OR2T3: variants seen among roughly 807,000 people sequenced by gnomAD.
OR2T3 encodes olfactory receptor 2T3.
For missense variants in OR2T3, 159 were observed against 396.3 expected (o/e 0.40, Z 5.08); for synonymous variants, 66 against 157.4 (o/e 0.42, Z 4.35).
chr1:248,473,872 C>T lies in OR2T3; in HGVS notation c.522C>T (p.Cys174=), dbSNP rs1663449193. 1.9e-6 allele frequency: 3 copies of T among 1,601,998 alleles called. No individual in the cohort carries two copies. The highest frequency in any genetic ancestry group is 2.6e-6 in the Non-Finnish European group (3 of 1,173,198). The change falls in exon 1 of 1, where the codon TGC becomes TGT. Residue 174 remains cysteine, a synonymous_variant. Transcript: ENST00000359594. ...LTPITMSFPF[C]QSRKILSFFC... is the part of the protein sequence containing the mutation. ...CCATTACCATGAGCTTCCCCTTTTG[C>T]CAGTCTAGGAAAATCCTGAGTTTTT...
Position 248,474,137 on chromosome 1 carries a change from A to C in OR2T3, c.787A>C (p.Thr263Pro). Residue 263 changes from threonine to proline, a missense_variant, in exon 1 of 1, where the codon ACC becomes CCC. By Grantham distance (38) the Thr-to-Pro change is conservative. Coordinates refer to ENST00000359594, the MANE Select transcript of OR2T3 (RefSeq NM_001005495.1). ...VLLLFGASFY[T>P]YMLPSSYHTA... ...GCTGCTCTTCGGTGCTTCCTTCTACACCTACATGCTCCCGAGTTCCTACCA... is the reference window on the plus strand; with the variant it reads ...GCTGCTCTTCGGTGCTTCCTTCTACCCCTACATGCTCCCGAGTTCCTACCA... The C allele has an allele frequency of 6.2e-7, 1 of 1,614,036 alleles. No individual in the cohort carries two copies. Among genetic ancestry groups the C allele is most frequent in the Non-Finnish European group, 8.5e-7 (1 of 1,179,884 alleles).
rs376486470 is a variant in OR2T3 at position 248,474,009 on chromosome 1, C to T, written c.659C>T (p.Ser220Phe). ...CTTCTCGCCCCCATCATGGTCATCTCCAGCTCATACACCCTCATCCTGCAT... is the reference window on the plus strand; with the variant it reads ...CTTCTCGCCCCCATCATGGTCATCTTCAGCTCATACACCCTCATCCTGCAT... ...LMLLAPIMVI[S>F]SSYTLILHLI... The change falls in exon 1 of 1, where the codon TCC becomes TTC. Residue 220 changes from serine (S) to phenylalanine (F), a missense_variant. Transcript: ENST00000359594. 3.1e-5 allele frequency: 48 copies of T among 1,573,698 alleles called. 4 individuals are homozygous for T. The highest frequency in any genetic ancestry group is 3.4e-4 in the Middle Eastern group (2 of 5,964).
Position 248,474,054 on chromosome 1 carries a change from C to A in OR2T3, c.704C>A (p.Ser235Tyr), listed in dbSNP as rs763638374. ...LILHLIHRMN[S>Y]AAGHRKALAT... ...CTGCATCTCATCCACAGGATGAATT[C>A]TGCCGCCGGCCACAGGAAGGCCTTG... Residue 235 changes from serine to tyrosine, a missense_variant, in exon 1 of 1, where the codon TCT (serine) becomes TAT (tyrosine). Physicochemically the swap from Ser to Tyr is moderately radical, Grantham distance 144 (BLOSUM62 -2). Coordinates refer to ENST00000359594, the MANE Select transcript of OR2T3 (RefSeq NM_001005495.1). 6 of 1,602,984 alleles carry A rather than the reference C, an allele frequency of 3.7e-6. No individual in the cohort carries two copies. The highest frequency in any genetic ancestry group is 5.1e-6 in the Non-Finnish European group (6 of 1,172,476).
In OR2T3 at chr1:248,473,991, C is replaced by T. The variant is rs779371418; in HGVS notation, c.641C>T (p.Ala214Val). Residue 214 changes from alanine to valine, a missense_variant, in exon 1 of 1, where the codon GCC becomes GTC. Physicochemically the swap from Ala to Val is moderately conservative, Grantham distance 64 (BLOSUM62 0). Transcript: ENST00000359594. ...MYLCCILMLL[A>V]PIMVISSSYT... ...CTGTGCTGCATCCTCATGCTTCTCGCCCCCATCATGGTCATCTCCAGCTCA... is the reference window on the plus strand; with the variant it reads ...CTGTGCTGCATCCTCATGCTTCTCGTCCCCATCATGGTCATCTCCAGCTCA... The T allele has an allele frequency of 9.9e-6, 15 of 1,522,596 alleles. 3 individuals are homozygous for T. The highest frequency in any genetic ancestry group is 1.3e-5 in the Non-Finnish European group (15 of 1,123,146). 94.3% of individuals were successfully genotyped at this position (1,522,596 alleles called of 1,614,324 possible). A position where few individuals can be genotyped will look rare whatever the true frequency, so the allele number is the denominator to read the frequency against.
rs777561818 is a variant in OR2T3 at position 248,473,969 on chromosome 1, T to C, written c.619T>C (p.Cys207Arg). 10 of 1,504,638 alleles carry C rather than the reference T, an allele frequency of 6.6e-6. 1 individual carries two copies. The highest frequency in any genetic ancestry group is 9.0e-6 in the Non-Finnish European group (10 of 1,116,082). 93.2% of individuals were successfully genotyped at this position (1,504,638 alleles called of 1,614,324 possible). ...CCTCTATAAGACGCTCATGTACCTG[T>C]GCTGCATCCTCATGCTTCTCGCCCC... Reference protein sequence around the residue: ...VSLYKTLMYLCCILMLLAPIM... With the variant: ...VSLYKTLMYLRCILMLLAPIM... Residue 207 changes from cysteine to arginine, a missense_variant, in exon 1 of 1, where the codon TGC becomes CGC. Coordinates refer to ENST00000359594, the MANE Select transcript of OR2T3 (RefSeq NM_001005495.1).
At position 248,474,056 on chromosome 1, in the gene OR2T3, G is replaced by T; in HGVS notation, c.706G>T (p.Ala236Ser). Residue 236 changes from alanine to serine, a missense_variant, in exon 1 of 1, where the codon GCC (alanine) becomes TCC (serine). Physicochemically the swap from Ala to Ser is moderately conservative, Grantham distance 99 (BLOSUM62 1). Transcript: ENST00000359594. The part of the protein sequence containing the change: ...ILHLIHRMNS[A>S]AGHRKALATC... ...GCATCTCATCCACAGGATGAATTCTGCCGCCGGCCACAGGAAGGCCTTGGC... is the reference window on the plus strand; with the variant it reads ...GCATCTCATCCACAGGATGAATTCTTCCGCCGGCCACAGGAAGGCCTTGGC... 1 of 1,603,042 alleles carries T rather than the reference G, an allele frequency of 6.2e-7. No individual in the cohort carries two copies. The highest frequency in any genetic ancestry group is 8.5e-7 in the Non-Finnish European group (1 of 1,172,528).
chr1:248,473,961 T>A lies in OR2T3; in HGVS notation c.611T>A (p.Met204Lys), dbSNP rs1770110. 1 of 1,464,516 alleles carries A rather than the reference T, an allele frequency of 6.8e-7. No individual in the cohort carries two copies. The highest frequency in any genetic ancestry group is 9.1e-7 in the Non-Finnish European group (1 of 1,096,546). The allele number at this position is 1,464,516 out of a possible 1,614,324, so 90.7% of individuals were successfully genotyped here. A position where few individuals can be genotyped will look rare whatever the true frequency, so the allele number is the denominator to read the frequency against. Residue 204 changes from methionine to lysine, a missense_variant, in exon 1 of 1, where the codon ATG (methionine) becomes AAG (lysine). Met to Lys is a moderately conservative substitution (Grantham distance 95, BLOSUM62 -1). Transcript: ENST00000359594. Reference protein sequence around the residue: ...CSDVSLYKTLMYLCCILMLLA... With the variant: ...CSDVSLYKTLKYLCCILMLLA... ...GACGTCTCCCTCTATAAGACGCTCATGTACCTGTGCTGCATCCTCATGCTT... is the reference window on the plus strand; with the variant it reads ...GACGTCTCCCTCTATAAGACGCTCAAGTACCTGTGCTGCATCCTCATGCTT...
rs1663456285 is a variant in OR2T3 at position 248,474,018 on chromosome 1, A to G, written c.668A>G (p.Tyr223Cys). 7.6e-6 allele frequency: 12 copies of G among 1,587,202 alleles called. No individual in the cohort carries two copies. The highest frequency in any genetic ancestry group is 1.0e-5 in the Non-Finnish European group (12 of 1,162,400). Residue 223 changes from tyrosine (Y) to cysteine (C), a missense_variant, in exon 1 of 1, where the codon TAC becomes TGC. Coordinates refer to ENST00000359594, the MANE Select transcript of OR2T3 (RefSeq NM_001005495.1). ...LAPIMVISSS[Y>C]TLILHLIHRM... ...CCCATCATGGTCATCTCCAGCTCAT[A>G]CACCCTCATCCTGCATCTCATCCAC...
In OR2T3 at chr1:248,474,114, T is replaced by G; in HGVS notation, c.764T>G (p.Leu255Arg). The G allele has an allele frequency of 1.2e-6, 2 of 1,613,916 alleles. No homozygotes were observed. The highest frequency in any genetic ancestry group is 1.3e-5 in the African/African-American group (1 of 75,010). The change falls in exon 1 of 1, where the codon CTG becomes CGG. Residue 255 changes from leucine (L) to arginine (R), a missense_variant. Coordinates refer to ENST00000359594, the MANE Select transcript of OR2T3 (RefSeq NM_001005495.1). ...TCSSHMIIVL[L>R]LFGASFYTYM... Reference sequence around the variant, plus strand: ...TCCTCCCACATGATCATAGTGCTGCTGCTCTTCGGTGCTTCCTTCTACACC... The same window carrying G: ...TCCTCCCACATGATCATAGTGCTGCGGCTCTTCGGTGCTTCCTTCTACACC...
At position 248,474,048 on chromosome 1, in the gene OR2T3, T is replaced by C. The variant is rs143040645; in HGVS notation, c.698T>C (p.Met233Thr). 4.3e-5 allele frequency: 69 copies of C among 1,602,538 alleles called. No homozygotes were observed. In the African/African-American group the frequency reaches 7.5e-4, roughly 17 times the overall value. ...CTCATCCTGCATCTCATCCACAGGA[T>C]GAATTCTGCCGCCGGCCACAGGAAG... ...YTLILHLIHR[M>T]NSAAGHRKAL... The change falls in exon 1 of 1, where the codon ATG (methionine) becomes ACG (threonine). Residue 233 changes from methionine (M) to threonine (T), a missense_variant. Physicochemically the swap from Met to Thr is moderately conservative, Grantham distance 81 (BLOSUM62 -1). Transcript: ENST00000359594.
rs1469749541 is a variant in OR2T3, at chr1:248,474,039, T to C, written c.689T>C (p.Ile230Thr). The C allele has an allele frequency of 1.9e-6, 3 of 1,600,296 alleles. No homozygotes were observed. Among genetic ancestry groups the C allele is most frequent in the Non-Finnish European group, 2.6e-6 (3 of 1,170,702 alleles). ...SSSYTLILHL[I>T]HRMNSAAGHR... Reference sequence around the variant, plus strand: ...TCATACACCCTCATCCTGCATCTCATCCACAGGATGAATTCTGCCGCCGGC... The same window carrying C: ...TCATACACCCTCATCCTGCATCTCACCCACAGGATGAATTCTGCCGCCGGC... Residue 230 changes from isoleucine (I) to threonine (T), a missense_variant, in exon 1 of 1, where the codon ATC becomes ACC. Physicochemically the swap from Ile to Thr is moderately conservative, Grantham distance 89. Transcript: ENST00000359594.
At position 248,473,493 on chromosome 1, in the gene OR2T3, CCCT is replaced by C; in HGVS notation, c.148_150del (p.Leu50del). ...TTCTTGATGGCCCTCACTGGGAATG[CCCT>C]CCTCATCCTCCTCATCCACTCAGAG... On this transcript the variant is annotated inframe_deletion, in exon 1 of 1. Coordinates refer to ENST00000359594, the MANE Select transcript of OR2T3 (RefSeq NM_001005495.1). The C allele has an allele frequency of 1.3e-6, 2 of 1,508,608 alleles. No individual in the cohort carries two copies. The highest frequency in any genetic ancestry group is 1.8e-6 in the Non-Finnish European group (2 of 1,093,222). The allele number at this position is 1,508,608 out of a possible 1,614,324, so 93.5% of individuals were successfully genotyped here. A position where few individuals can be genotyped will look rare whatever the true frequency, so the allele number is the denominator to read the frequency against.
At position 248,473,704 on chromosome 1, in the gene OR2T3, C is replaced by A. The variant is rs1227039275; in HGVS notation, c.354C>A (p.Phe118Leu). The A allele has an allele frequency of 1.2e-6, 2 of 1,611,970 alleles. No homozygotes were observed. Among genetic ancestry groups the A allele is most frequent in the Non-Finnish European group, 1.7e-6 (2 of 1,179,624 alleles). Reference protein sequence around the residue: ...FYLTLAGAEVFLLAAMAYDRY... With the variant: ...FYLTLAGAEVLLLAAMAYDRY... ...TGACCCTGGCTGGAGCTGAGGTTTT[C>A]CTCCTGGCTGCCATGGCCTATGACC... Residue 118 changes from phenylalanine (F) to leucine (L), a missense_variant, in exon 1 of 1, where the codon TTC becomes TTA. By Grantham distance (22) the Phe-to-Leu change is conservative. Coordinates refer to ENST00000359594, the MANE Select transcript of OR2T3 (RefSeq NM_001005495.1).
rs780412236 is a variant in OR2T3, at chr1:248,473,611, T to C, written c.261T>C (p.Leu87=). The change falls in exon 1 of 1, where the codon CTT becomes CTC. Residue 87 remains leucine (L), a synonymous_variant. Coordinates refer to ENST00000359594, the MANE Select transcript of OR2T3 (RefSeq NM_001005495.1). ...MYLCVTVPKM[L]VGQVTGDDTI... ...TATGCGTGACTGTGCCCAAGATGCT[T>C]GTGGGCCAGGTCACTGGAGATGATA... 1.2e-6 allele frequency: 2 copies of C among 1,606,896 alleles called. No homozygotes were observed. Among genetic ancestry groups the C allele is most frequent in the South Asian group, 2.2e-5 (2 of 90,630 alleles).
chr1:248,473,403 C>T lies in OR2T3; in HGVS notation c.53C>T (p.Thr18Ile), dbSNP rs760507125. Residue 18 changes from threonine (T) to isoleucine (I), a missense_variant, in exon 1 of 1, where the codon ACC becomes ATC. Coordinates refer to ENST00000359594, the MANE Select transcript of OR2T3 (RefSeq NM_001005495.1). The part of the protein sequence containing the change: ...SQNQTASTDF[T>I]LTGLFAESKH... ...AATCAAACAGCAAGCACTGATTTCA[C>T]CCTCACGGGACTCTTTGCTGAGAGC... 1.1e-5 allele frequency: 16 copies of T among 1,490,972 alleles called. No individual in the cohort carries two copies. Among genetic ancestry groups the T allele is most frequent in the South Asian group, 1.0e-4 (9 of 86,542 alleles). The allele number at this position is 1,490,972 out of a possible 1,614,324, so 92.4% of individuals were successfully genotyped here. A position where few individuals can be genotyped will look rare whatever the true frequency, so the allele number is the denominator to read the frequency against.
rs894426380 is a variant in OR2T3, at chr1:248,473,429, A to C, written c.79A>C (p.Lys27Gln). ...FTLTGLFAES[K>Q]HAALLYTVTF... ...CCTCACGGGACTCTTTGCTGAGAGCAAGCATGCTGCCCTCCTCTACACCGT... is the reference window on the plus strand; with the variant it reads ...CCTCACGGGACTCTTTGCTGAGAGCCAGCATGCTGCCCTCCTCTACACCGT... Residue 27 changes from lysine to glutamine, a missense_variant, in exon 1 of 1, where the codon AAG becomes CAG. Physicochemically the swap from Lys to Gln is moderately conservative, Grantham distance 53. Coordinates refer to ENST00000359594, the MANE Select transcript of OR2T3 (RefSeq NM_001005495.1). 2.1e-5 allele frequency: 32 copies of C among 1,503,640 alleles called. No homozygotes were observed. In the Admixed American group the frequency reaches 4.8e-4, roughly 23 times the overall value. The allele number at this position is 1,503,640 out of a possible 1,614,324, so 93.1% of individuals were successfully genotyped here. A position where few individuals can be genotyped will look rare whatever the true frequency, so the allele number is the denominator to read the frequency against.
rs77686526 is a variant in OR2T3, at chr1:248,474,061, C to T, written c.711C>T (p.Ala237=). 379,763 of 1,490,958 alleles carry T rather than the reference C, an allele frequency of 0.25. 38,877 individuals are homozygous for T. The highest frequency in any genetic ancestry group is 0.44 in the East Asian group (18,704 of 42,118). 92.4% of individuals were successfully genotyped at this position (1,490,958 alleles called of 1,614,324 possible). ...LHLIHRMNSA[A]GHRKALATCS... ...TCATCCACAGGATGAATTCTGCCGCCGGCCACAGGAAGGCCTTGGCCACCT... is the reference window on the plus strand; with the variant it reads ...TCATCCACAGGATGAATTCTGCCGCTGGCCACAGGAAGGCCTTGGCCACCT... The change falls in exon 1 of 1, where the codon GCC becomes GCT. Residue 237 remains alanine, a synonymous_variant. Coordinates refer to ENST00000359594, the MANE Select transcript of OR2T3 (RefSeq NM_001005495.1).
rs2103036904 is a variant in OR2T3, at chr1:248,473,597, G to A, written c.247G>A (p.Val83Met). The change falls in exon 1 of 1, where the codon GTG becomes ATG. Residue 83 changes from valine (V) to methionine (M), a missense_variant. Physicochemically the swap from Val to Met is conservative, Grantham distance 21 (BLOSUM62 1). Coordinates refer to ENST00000359594, the MANE Select transcript of OR2T3 (RefSeq NM_001005495.1). ...GGATCTCATGTACCTATGCGTGACT[G>A]TGCCCAAGATGCTTGTGGGCCAGGT... Reference protein sequence around the residue: ...LMDLMYLCVTVPKMLVGQVTG... With the variant: ...LMDLMYLCVTMPKMLVGQVTG... The A allele has an allele frequency of 6.3e-7, 1 of 1,585,788 alleles. No homozygotes were observed. The highest frequency in any genetic ancestry group is 8.6e-7 in the Non-Finnish European group (1 of 1,157,992).
rs778713035 is a variant in OR2T3 at position 248,473,751 on chromosome 1, C to A, written c.401C>A (p.Pro134His). Residue 134 changes from proline (P) to histidine (H), a missense_variant, in exon 1 of 1, where the codon CCT becomes CAT. Pro to His is a moderately conservative substitution (Grantham distance 77). Coordinates refer to ENST00000359594, the MANE Select transcript of OR2T3 (RefSeq NM_001005495.1). Reference sequence around the variant, plus strand: ...GACCGATATGCTGCTGTTTGCAGACCTCTCCATTACCCACTGCTGATGAAC... The same window carrying A: ...GACCGATATGCTGCTGTTTGCAGACATCTCCATTACCCACTGCTGATGAAC... ...AYDRYAAVCR[P>H]LHYPLLMNQR... is the part of the protein sequence containing the mutation. The A allele has an allele frequency of 3.1e-6, 5 of 1,597,590 alleles. No individual in the cohort carries two copies. Among genetic ancestry groups the A allele is most frequent in the Non-Finnish European group, 4.3e-6 (5 of 1,169,456 alleles).
Sources: allele counts gnomAD v4.1 joint callset, GRCh38; gene constraint gnomAD v4.1.1; transcripts MANE v1.5; gene names NCBI Gene and HGNC (gene_info 2026-07-23, HGNC 2026-07-21).